CAMKMT: variants seen among roughly 807,000 people sequenced by gnomAD.
CAMKMT encodes calmodulin-lysine N-methyltransferase, also known as CaM KMT.
Under a neutral mutation model 48.0 loss-of-function variants are expected in CAMKMT, and 53 were observed. That is an observed-to-expected ratio of 1.10 (90% CI 0.89 to 1.39). CAMKMT has a LOEUF of 1.39. Ranked by LOEUF, CAMKMT falls within the 40% of genes most tolerant of loss-of-function variation. CAMKMT has a pLI of 0.00. For missense variants in CAMKMT, 428 were observed against 402.7 expected (o/e 1.06, Z -0.54); for synonymous variants, 165 against 152.3 (o/e 1.08, Z -0.61).
At chr2:44,518,976 G>A (rs781186405) in intron 3 of CAMKMT, among the ~76,000 whole-genome samples, 15 of 152,078 alleles carry the variant, frequency 9.9e-5, no homozygotes, top group Non-Finnish European at 1.5e-4. Context: ...CCGTGTTGTC[G>A]GTTCTTATTT....
chr2:44,623,384 C>A (rs1672299820), intron 3 of CAMKMT, among the ~76,000 whole-genome samples: 1 of 152,022 alleles, frequency 6.6e-6, no homozygotes, highest in Admixed American at 6.6e-5. Context: ...GAGGACTTAG[C>A]CATAAATTAT....
At chr2:44,610,918 A>G (rs79115008) in intron 3 of CAMKMT, among the ~76,000 whole-genome samples, 2,079 of 152,298 alleles carry the variant, frequency 0.014, 105 homozygotes, top group Admixed American at 0.1. Flanking sequence ...AGTCATGAGA[A>G]TGGAAGGGCT....
At chr2:44,601,014 G>A (rs1670953881) in intron 3 of CAMKMT, among the ~76,000 whole-genome samples, 1 of 151,992 alleles carries the variant, frequency 6.6e-6, no homozygotes, top group South Asian at 2.1e-4. Context: ...TAAATTTAGG[G>A]AGGGAATAAT....
At chr2:44,672,806 A>G (rs1264496353) in intron 3 of CAMKMT, among the ~76,000 whole-genome samples, 1 of 152,116 alleles carries the variant, frequency 6.6e-6, no homozygotes, top group Non-Finnish European at 1.5e-5. Context: ...TACCTTATTA[A>G]TCATCCAAAA....
rs531805318 is a variant in CAMKMT, at chr2:44,565,759, G to C, written c.377-138524G>C. ...GATTTTATGTGGAGCCAAAACCACT[G>C]TTTTAAAAGTTTTCCCCATTGTCTT... On this transcript the variant is annotated intron_variant, in intron 3 of 10. Coordinates refer to ENST00000378494, the MANE Select transcript of CAMKMT (RefSeq NM_024766.5). Among the ~76,000 whole-genome samples, 127 of 151,558 alleles carry C rather than the reference G, an allele frequency of 8.4e-4. 1 individual carries two copies. Among genetic ancestry groups the C allele is most frequent in the South Asian group, 2.3e-3 (11 of 4,798 alleles).
chr2:44,694,585 G>A (rs1277892575), intron 3 of CAMKMT, among the ~76,000 whole-genome samples: 4 of 152,050 alleles, frequency 2.6e-5, no homozygotes, highest in Admixed American at 1.3e-4. Context: ...AAAATAATTC[G>A]AAACTAGCTA....
At chr2:44,711,492 T>C (rs1043217480) in intron 6 of CAMKMT, among the ~76,000 whole-genome samples, 3 of 152,182 alleles carry the variant, frequency 2.0e-5, no homozygotes, top group African/African-American at 7.2e-5. Flanking sequence ...TTTCTTCTCC[T>C]TTTTGTGGAG....
rs529314557 is a variant in CAMKMT at position 44,535,414 on chromosome 2, C to G, written c.376+145109C>G. On this transcript the variant is annotated intron_variant, in intron 3 of 10. Transcript: ENST00000378494. ...GGCCAGCATTACCCTGATAACAAAA[C>G]CAGTCAAGAACAAAACAACAGCAAC... 8.9e-4 allele frequency among the ~76,000 whole-genome samples: 135 copies of G among 152,250 alleles called. 3 individuals carry two copies. The South Asian group carries it at 0.026, about 30-fold the overall frequency.
intron 3 of CAMKMT, among the ~76,000 whole-genome samples, chr2:44,419,342 A>G (rs1683774036): frequency 1.3e-5 from 2 of 152,202 alleles, no homozygotes; most frequent in Admixed American, 6.5e-5. Flanking sequence ...GTGTTTGGTC[A>G]TTAGCTTCAT....
At chr2:44,433,041 T>G (rs1684743692) in intron 3 of CAMKMT, among the ~76,000 whole-genome samples, 1 of 152,298 alleles carries the variant, frequency 6.6e-6, no homozygotes, top group South Asian at 2.1e-4. Context: ...ATATTCTCTC[T>G]CAAATGTTGT....
At chr2:44,658,401 G>C (rs1337408069) in intron 3 of CAMKMT, among the ~76,000 whole-genome samples, 3 of 151,852 alleles carry the variant, frequency 2.0e-5, no homozygotes, top group Non-Finnish European at 4.4e-5. Flanking sequence ...GGGTGTGCTA[G>C]AGTGGCTCAC....
intron 3 of CAMKMT, among the ~76,000 whole-genome samples, chr2:44,695,401 A>G (rs1438384944): frequency 3.9e-5 from 6 of 152,152 alleles, no homozygotes; most frequent in Non-Finnish European, 2.9e-5. Context: ...ATTTCTCTCT[A>G]GTCTATGAAG....
At chr2:44,558,259 T>G (rs1014335423) in intron 3 of CAMKMT, among the ~76,000 whole-genome samples, 5 of 152,102 alleles carry the variant, frequency 3.3e-5, no homozygotes, top group Non-Finnish European at 5.9e-5. Flanking sequence ...AGGCTGATCT[T>G]GAACTCCTGA....
chr2:44,568,224 G>A (rs896505416), intron 3 of CAMKMT, among the ~76,000 whole-genome samples: 1 of 152,162 alleles, frequency 6.6e-6, no homozygotes, highest in African/African-American at 2.4e-5. Context: ...AAAACAAGCT[G>A]AGCCTGAATT....
chr2:44,703,885 C>A (rs139006244), intron 3 of CAMKMT, among the ~76,000 whole-genome samples: 1 of 151,186 alleles, frequency 6.6e-6, no homozygotes, highest in African/African-American at 2.4e-5. Context: ...TGTGTGTGAT[C>A]GTCCCATTTA....
At chr2:44,682,677 A>G (rs558541457) in intron 3 of CAMKMT, among the ~76,000 whole-genome samples, 6 of 152,342 alleles carry the variant, frequency 3.9e-5, no homozygotes, top group Admixed American at 3.3e-4. Flanking sequence ...TCAGATAAAT[A>G]CCAAAGTGGA....
chr2:44,439,943 CT>C lies in CAMKMT; in HGVS notation c.376+49639del, dbSNP rs142562720. Among the ~76,000 whole-genome samples the C allele has an allele frequency of 6.7e-3, 1,022 of 152,222 alleles. 11 individuals carry two copies. The highest frequency in any genetic ancestry group is 0.023 in the African/African-American group (970 of 41,540). ...ACAACAGAGTTACTGAATGAAACCC[CT>C]GAAGATAAATATTTTCTACTTGGAG... On this transcript the variant is annotated intron_variant, in intron 3 of 10. Coordinates refer to ENST00000378494, the MANE Select transcript of CAMKMT (RefSeq NM_024766.5).
At chr2:44,540,588 A>G (rs562759837) in intron 3 of CAMKMT, among the ~76,000 whole-genome samples, 2 of 152,256 alleles carry the variant, frequency 1.3e-5, no homozygotes, top group South Asian at 4.1e-4. Context: ...TCATCTCTAA[A>G]CAAAACACAA....
intron 3 of CAMKMT, among the ~76,000 whole-genome samples, chr2:44,559,660 G>A (rs186490082): frequency 1.3e-5 from 2 of 152,202 alleles, no homozygotes; most frequent in Admixed American, 6.5e-5. Context: ...TAGTATGTCT[G>A]TAGAGCTGAA....
Sources: allele counts gnomAD v4.1 joint callset (sites outside exome capture counted in the v4.1 genomes callset), GRCh38; gene constraint gnomAD v4.1.1; transcripts MANE v1.5; gene names NCBI Gene and HGNC (gene_info 2026-07-23, HGNC 2026-07-21).